Variants in WHR1 observed in about 807,000 individuals in gnomAD.
The protein encoded by WHR1 is winged helix repair factor 1.
the WHR1 span, chr6:31,972,215 T>C: frequency 6.2e-7 from 1 of 1,612,736 alleles, no homozygotes; most frequent in East Asian, 2.2e-5. This position sits in a 1 kb window ranked among gnomAD's most constrained non-coding sequence, Gnocchi z 6.3. Context: ...GAGGTGATGC[T>C]GGTATGTGCG....
chr6:31,976,405 G>A, the WHR1 span, among the ~76,000 whole-genome samples: 2 of 151,978 alleles, frequency 1.3e-5, no homozygotes, highest in Non-Finnish European at 2.9e-5. Flanking sequence ...CCTCCCAGAC[G>A]GGGTCGCGGC....
chr6:31,973,030 A>G, the WHR1 span: 5 of 687,714 alleles, frequency 7.3e-6, no homozygotes, highest in Non-Finnish European at 1.3e-5. Context: ...CAGACGTCAG[A>G]TCATGACAGG....
the WHR1 span, chr6:31,971,290 C>T: frequency 3.3e-6 from 5 of 1,537,402 alleles, no homozygotes; most frequent in African/African-American, 4.1e-5. The surrounding 1 kb of genome is among the most constrained non-coding windows in gnomAD (Gnocchi z 4.5). Context: ...TACGGGTCTC[C>T]AGATATACTG....
the WHR1 span, among the ~76,000 whole-genome samples, chr6:31,975,749 C>G: frequency 6.6e-6 from 1 of 152,038 alleles, no homozygotes; most frequent in African/African-American, 2.4e-5. Context: ...TTCTAGTCCA[C>G]AAAACCACCA....
chr6:31,979,444 G>A, the WHR1 span: 1 of 1,612,964 alleles, frequency 6.2e-7, no homozygotes, highest in African/African-American at 1.3e-5. Flanking sequence ...CCGACCGTAT[G>A]CTGGGGCAGT....
chr6:31,977,178 CTT>C, the WHR1 span, among the ~76,000 whole-genome samples: 1 of 147,122 alleles, frequency 6.8e-6, no homozygotes, highest in Non-Finnish European at 1.5e-5. Context: ...GTTCCAATTA[CTT>C]TTTTTTTTTT....
At chr6:31,971,815 C>T in the WHR1 span, 3 of 1,312,514 alleles carry the variant, frequency 2.3e-6, no homozygotes, top group Non-Finnish European at 3.1e-6. This position sits in a 1 kb window ranked among gnomAD's most constrained non-coding sequence, Gnocchi z 4.5. Flanking sequence ...GACGCCACCG[C>T]GGCCAAGCTC....
chr6:31,974,143 G>A, the WHR1 span, among the ~76,000 whole-genome samples: 1 of 151,984 alleles, frequency 6.6e-6, no homozygotes, highest in Non-Finnish European at 1.5e-5. Context: ...AATTAGCCAG[G>A]CGTGGTGGTA....
chr6:31,979,095 T>A, the WHR1 span: 4 of 1,289,366 alleles, frequency 3.1e-6, no homozygotes, highest in Non-Finnish European at 3.3e-6. Flanking sequence ...AGAAAGAATT[T>A]CCCTGCCCCC....
At chr6:31,971,637 T>A in the WHR1 span, 1 of 1,610,990 alleles carries the variant, frequency 6.2e-7, no homozygotes, top group South Asian at 1.1e-5. This position sits in a 1 kb window ranked among gnomAD's most constrained non-coding sequence, Gnocchi z 4.5. Context: ...CAGCTACCTC[T>A]GTCTTCTCAG....
At chr6:31,972,554 C>T in the WHR1 span, 2 of 1,595,574 alleles carry the variant, frequency 1.3e-6, no homozygotes, top group Non-Finnish European at 1.7e-6. This position sits in a 1 kb window ranked among gnomAD's most constrained non-coding sequence, Gnocchi z 6.3. Context: ...CTTCCGGTAG[C>T]CGAGAGTTTT....
chr6:31,975,490 C>A, the WHR1 span, among the ~76,000 whole-genome samples: 1 of 151,704 alleles, frequency 6.6e-6, no homozygotes, highest in African/African-American at 2.4e-5. Context: ...CATGATCCAC[C>A]GCACCCGGCC....
At chr6:31,973,350 G>A in the WHR1 span, 5 of 231,108 alleles carry the variant, frequency 2.2e-5, no homozygotes, top group Admixed American at 2.0e-4. Context: ...TTGAGTTGAT[G>A]GTGCATGTGG....
the WHR1 span, among the ~76,000 whole-genome samples, chr6:31,977,606 G>C: frequency 6.6e-6 from 1 of 151,662 alleles, no homozygotes; most frequent in Non-Finnish European, 1.5e-5. Flanking sequence ...GTCTCAGCCT[G>C]CCAAAGTGCT....
chr6:31,977,338 A>C, the WHR1 span, among the ~76,000 whole-genome samples: 3 of 127,432 alleles, frequency 2.4e-5, no homozygotes, highest in Admixed American at 2.4e-4. Context: ...CGCCCAGCTA[A>C]TTTTTTTTTT....
the WHR1 span, chr6:31,979,633 G>GT: frequency 6.1e-4 from 937 of 1,538,680 alleles, 1 homozygote; most frequent in Non-Finnish European, 7.9e-4. Context: ...CTGTCCTCCT[G>GT]TTTTTTTGGT....
At chr6:31,971,951 C>T in the WHR1 span, 12 of 1,558,720 alleles carry the variant, frequency 7.7e-6, no homozygotes, top group Admixed American at 2.2e-4. The surrounding 1 kb of genome is among the most constrained non-coding windows in gnomAD (Gnocchi z 4.5). Flanking sequence ...CAACTTCCAC[C>T]TCCGCAGAGC....
chr6:31,979,323 G>C, the WHR1 span: 2 of 1,556,278 alleles, frequency 1.3e-6, no homozygotes, highest in Non-Finnish European at 1.7e-6. Flanking sequence ...CTGAGCAAGA[G>C]GTAAGACAGG....
the WHR1 span, chr6:31,972,079 T>C: frequency 6.2e-7 from 1 of 1,612,482 alleles, no homozygotes; most frequent in South Asian, 1.1e-5. The surrounding 1 kb of genome is among the most constrained non-coding windows in gnomAD (Gnocchi z 6.3). Flanking sequence ...GGGGGAGGTG[T>C]GAGCTTCACG....
Sources: gnomAD v4.1 joint callset for allele counts (sites outside exome capture counted in the v4.1 genomes callset) on GRCh38, gnomAD v4.1.1 for gene constraint, Gnocchi (gnomAD v3.1) non-coding constraint, MANE v1.5 for transcripts, NCBI Gene and HGNC (gene_info 2026-07-23, HGNC 2026-07-21) for gene names.